Variants in GRM5 observed in about 807,000 individuals in gnomAD.
The protein encoded by GRM5 is metabotropic glutamate receptor 5.
A neutral mutation model predicts 83.1 loss-of-function variants in GRM5; 19 were observed. That is an observed-to-expected ratio of 0.23 (90% CI 0.16 to 0.34). The LOEUF is 0.34. Ranked by LOEUF, GRM5 falls within the 10% of genes least tolerant of loss-of-function variation. The probability of loss-of-function intolerance (pLI) is 1.00; values close to 1 mark genes in which losing one functional copy is unlikely to be tolerated. For missense variants in GRM5, 1,160 were observed against 1,588.3 expected (o/e 0.73, Z 4.58); for synonymous variants, 675 against 633.6 (o/e 1.07, Z -0.98).
At chr11:88,771,348 T>A (rs944406074) in intron 3 of GRM5, among the ~76,000 whole-genome samples, 6 of 152,000 alleles carry the variant, frequency 3.9e-5, no homozygotes, top group African/African-American at 1.4e-4. Flanking sequence ...TCAGTCTAAG[T>A]CCAACAGCCT....
chr11:88,684,009 G>A (rs1940559104), intron 3 of GRM5, among the ~76,000 whole-genome samples: 3 of 152,156 alleles, frequency 2.0e-5, no homozygotes, highest in Admixed American at 2.0e-4. Flanking sequence ...TGAGATGGCG[G>A]CATTTGAACT....
chr11:89,046,745 C>G (rs1941650057), intron 2 of GRM5, among the ~76,000 whole-genome samples: 1 of 152,120 alleles, frequency 6.6e-6, no homozygotes, highest in Admixed American at 6.5e-5. Context: ...TGGTAATTCT[C>G]TATAACAACA....
chr11:88,999,738 G>A (rs942093058), intron 2 of GRM5, among the ~76,000 whole-genome samples: 7 of 152,074 alleles, frequency 4.6e-5, no homozygotes, highest in Admixed American at 3.3e-4. Flanking sequence ...CCATTACTGG[G>A]TATATACCCG....
At chr11:88,627,040 A>G (rs1012218732) in intron 4 of GRM5, among the ~76,000 whole-genome samples, 5 of 152,234 alleles carry the variant, frequency 3.3e-5, no homozygotes, top group Non-Finnish European at 5.9e-5. Context: ...CTGACTTAAC[A>G]CTATGTTAAA....
At chr11:88,829,479 A>T (rs1943949181) in intron 3 of GRM5, among the ~76,000 whole-genome samples, 1 of 152,154 alleles carries the variant, frequency 6.6e-6, no homozygotes, top group African/African-American at 2.4e-5. Flanking sequence ...ACAAACAAAC[A>T]TCCACCTACT....
chr11:88,820,753 CT>C (rs771802986), intron 3 of GRM5, among the ~76,000 whole-genome samples: 1 of 152,196 alleles, frequency 6.6e-6, no homozygotes, highest in African/African-American at 2.4e-5. Context: ...TTGTTATCAT[CT>C]CACTTTCCTC....
Position 88,885,450 on chromosome 11 carries a change from G to GGTTTTTTTTTTTTTTTTTTTTTT in GRM5, c.662-35296_662-35295insAAAAAAAAAAAAAAAAAAAAAAC, listed in dbSNP as rs1945027301. Among the ~76,000 whole-genome samples, 13 of 62,666 alleles carry GGTTTTTTTTTTTTTTTTTTTTTT rather than the reference G, an allele frequency of 2.1e-4. 5 individuals carry two copies. Among genetic ancestry groups the GGTTTTTTTTTTTTTTTTTTTTTT allele is most frequent in the African/African-American group, 4.2e-4 (7 of 16,858 alleles). The allele number at this position is 62,666 out of a possible 152,430, so 41.1% of individuals were successfully genotyped here. ...TTCTGAATTCTATAGTAGGTACCAT[G>GGTTTTTTTTTTTTTTTTTTTTTT]TTTTTTTTTTTTTTTTTTTTTTTTT... is the stretch of plus-strand genomic sequence containing the variant. On this transcript the variant is annotated intron_variant, in intron 2 of 9. Coordinates refer to ENST00000305447, the MANE Select transcript of GRM5 (RefSeq NM_001143831.3).
chr11:88,867,353 G>T (rs1421854794), intron 2 of GRM5, among the ~76,000 whole-genome samples: 1 of 151,828 alleles, frequency 6.6e-6, no homozygotes, highest in East Asian at 1.9e-4. Flanking sequence ...TAGTTTAGAG[G>T]CTAATGTAGT....
chr11:88,666,660 T>C (rs1252030344), intron 3 of GRM5, among the ~76,000 whole-genome samples: 1 of 152,210 alleles, frequency 6.6e-6, no homozygotes, highest in Non-Finnish European at 1.5e-5. Flanking sequence ...TTTGGGATCA[T>C]TACAGGCTAT....
chr11:88,857,493 T>G (rs1383439162), intron 2 of GRM5, among the ~76,000 whole-genome samples: 1 of 152,034 alleles, frequency 6.6e-6, no homozygotes, highest in Non-Finnish European at 1.5e-5. Context: ...CTGCCCATAT[T>G]GACAGGGTTG....
chr11:88,979,918 T>A (rs918050536), intron 2 of GRM5, among the ~76,000 whole-genome samples: 2 of 152,218 alleles, frequency 1.3e-5, no homozygotes, highest in Admixed American at 6.5e-5. Flanking sequence ...CAGATTCTTA[T>A]TGAAGACCTC....
At chr11:88,737,448 A>G (rs1435400473) in intron 3 of GRM5, among the ~76,000 whole-genome samples, 3 of 152,110 alleles carry the variant, frequency 2.0e-5, no homozygotes, top group African/African-American at 7.2e-5. Flanking sequence ...TATAACATGT[A>G]TTAAACATCT....
At position 89,020,517 on chromosome 11, in the gene GRM5, A is replaced by G. The variant is rs139977622; in HGVS notation, c.661+26695T>C. On this transcript the variant is annotated intron_variant, in intron 2 of 9. Transcript: ENST00000305447. ...TGCTGACAGTCAGAGAATTAAAACT[A>G]TAACACTGTTAGAGGAGTAAAAACA... Among the ~76,000 whole-genome samples, 1,096 of 152,298 alleles carry G rather than the reference A, an allele frequency of 7.2e-3. 14 individuals are homozygous for G. The highest frequency in any genetic ancestry group is 0.025 in the African/African-American group (1,043 of 41,564).
intron 3 of GRM5, among the ~76,000 whole-genome samples, chr11:88,848,334 C>A (rs1285537188): frequency 6.6e-6 from 1 of 152,148 alleles, no homozygotes; most frequent in African/African-American, 2.4e-5. Flanking sequence ...GCCATCAGAT[C>A]GGACAGAAAA....
At chr11:88,975,964 T>A (rs1010447504) in intron 2 of GRM5, among the ~76,000 whole-genome samples, 1 of 152,218 alleles carries the variant, frequency 6.6e-6, no homozygotes, top group African/African-American at 2.4e-5. Context: ...AGCTTCCATT[T>A]GAACAGAGAG....
intron 2 of GRM5, among the ~76,000 whole-genome samples, chr11:88,935,375 T>C (rs1294584021): frequency 1.3e-5 from 2 of 151,772 alleles, no homozygotes; most frequent in African/African-American, 4.8e-5. Flanking sequence ...AATTTATATA[T>C]AAATAAAAAT....
At chr11:89,018,541 G>A (rs1428004677) in intron 2 of GRM5, among the ~76,000 whole-genome samples, 1 of 151,952 alleles carries the variant, frequency 6.6e-6, no homozygotes, top group African/African-American at 2.4e-5. Context: ...CTATGTCTTG[G>A]ACATTTATCT....
intron 3 of GRM5, among the ~76,000 whole-genome samples, chr11:88,805,822 C>T (rs1001717840): frequency 1.2e-4 from 18 of 152,258 alleles, no homozygotes; most frequent in Admixed American, 4.6e-4. Flanking sequence ...ATCTCTCTGA[C>T]GTTTTTCCCC....
intron 3 of GRM5, among the ~76,000 whole-genome samples, chr11:88,841,252 TA>T (rs1250755381): frequency 2.0e-4 from 30 of 152,208 alleles, no homozygotes; most frequent in Non-Finnish European, 2.1e-4. Context: ...GTGGTTTTCT[TA>T]ATGGTGTCTT....
Sources: gnomAD v4.1 joint callset for allele counts (sites outside exome capture counted in the v4.1 genomes callset) on GRCh38, gnomAD v4.1.1 for gene constraint, MANE v1.5 for transcripts, NCBI Gene and HGNC (gene_info 2026-07-23, HGNC 2026-07-21) for gene names.